DENND1A: variants seen among roughly 807,000 people sequenced by gnomAD.
The protein encoded by DENND1A is DENN domain-containing protein 1A.
DENND1A carries 51 observed loss-of-function variants against 113.7 expected under a neutral mutation model. The ratio of observed to expected loss-of-function variants is 0.45; its 90% CI spans 0.36 to 0.57. The LOEUF (loss-of-function observed/expected upper bound fraction) is 0.57. Ranked by LOEUF, DENND1A falls within the 20% of genes least tolerant of loss-of-function variation. The probability of loss-of-function intolerance (pLI) is 0.00; values close to 1 mark genes in which losing one functional copy is unlikely to be tolerated. For missense variants in DENND1A, 1,258 were observed against 1,395.9 expected, an observed-to-expected ratio of 0.90 and a Z score of 1.57; for synonymous variants, 565 against 570.8, an observed-to-expected ratio of 0.99 and a Z score of 0.14.
At position 123,694,206 on chromosome 9, in the gene DENND1A, CT is replaced by C. The variant is rs2065365310; in HGVS notation, c.303-17418del. Among the ~76,000 whole-genome samples, 5 of 152,208 alleles carry C rather than the reference CT, an allele frequency of 3.3e-5. 1 individual carries two copies. The South Asian group carries it at 1.0e-3, about 32-fold the overall frequency. The stretch of plus-strand genomic sequence containing the variant: ...AGTGAGTGAAATAAACCAAGTCTGT[CT>C]ATGTATGCTGGGGTTGAGAACCTCC... On this transcript the variant is annotated intron_variant, in intron 5 of 23. Transcript: ENST00000394215.
At chr9:123,427,593 T>TCC (rs1177051208) in intron 19 of DENND1A, among the ~76,000 whole-genome samples, 1 of 152,142 alleles carries the variant, frequency 6.6e-6, no homozygotes, top group African/African-American at 2.4e-5. Context: ...GGTTTTAGGA[T>TCC]CCCCACAGGT....
chr9:123,929,481 C>T (rs944144051), intron 1 of DENND1A, among the ~76,000 whole-genome samples: 4 of 152,222 alleles, frequency 2.6e-5, no homozygotes, highest in African/African-American at 7.2e-5. Context: ...CTCAAGCGGC[C>T]AGGCTGCAAC....
chr9:123,561,532 AAAGT>A (rs2057756076), intron 12 of DENND1A, among the ~76,000 whole-genome samples: 1 of 152,182 alleles, frequency 6.6e-6, no homozygotes. Context: ...CCTTTAAATA[AAAGT>A]AAGGGAAGAC....
chr9:123,812,889 C>A (rs1836857551), intron 2 of DENND1A, among the ~76,000 whole-genome samples: 1 of 151,940 alleles, frequency 6.6e-6, no homozygotes, highest in Non-Finnish European at 1.5e-5. Context: ...TTTTGCCATA[C>A]CAAAGTTTCA....
intron 1 of DENND1A, among the ~76,000 whole-genome samples, chr9:123,905,576 A>C (rs1389455909): frequency 7.1e-6 from 1 of 140,240 alleles, no homozygotes; most frequent in Non-Finnish European, 1.5e-5. Flanking sequence ...GATAAAACAG[A>C]CTTTAAACCA....
At position 123,434,829 on chromosome 9, in the gene DENND1A, T is replaced by TGCTTACAGTGGACCCG. The variant is rs759495330; in HGVS notation, c.1488+5515_1488+5530dup. On this transcript the variant is annotated intron_variant, in intron 19 of 23. Coordinates refer to ENST00000394215, the MANE Select transcript of DENND1A (RefSeq NM_001352964.2). ...CTAGTGCATGCTTACAGTAAGTGCA[T>TGCTTACAGTGGACCCG]GCTTACAGTGGACCCGGCTTACAGT... Among the ~76,000 whole-genome samples the TGCTTACAGTGGACCCG allele has an allele frequency of 7.2e-5, 11 of 152,256 alleles. No homozygotes were observed. In the East Asian group the frequency reaches 1.7e-3, roughly 24 times the overall value.
At chr9:123,638,230 C>T (rs1225457100) in intron 9 of DENND1A, among the ~76,000 whole-genome samples, 1 of 152,108 alleles carries the variant, frequency 6.6e-6, no homozygotes, top group Non-Finnish European at 1.5e-5. Flanking sequence ...AAAGCAGAAG[C>T]AGAAAACCAT....
At chr9:123,674,841 C>CTTTT (rs11327678) in intron 6 of DENND1A, among the ~76,000 whole-genome samples, 1 of 132,344 alleles carries the variant, frequency 7.6e-6, no homozygotes, top group Non-Finnish European at 1.6e-5. Flanking sequence ...GTTTTTTTCT[C>CTTTT]TTTTTTTTTT....
chr9:123,406,831 G>A (rs2043892071), intron 20 of DENND1A, among the ~76,000 whole-genome samples: 1 of 152,104 alleles, frequency 6.6e-6, no homozygotes, highest in African/African-American at 2.4e-5. Context: ...CTGCCCCGCG[G>A]GGCCCCGGGG....
At chr9:123,853,805 G>C (rs769811748) in intron 2 of DENND1A, among the ~76,000 whole-genome samples, 2 of 152,128 alleles carry the variant, frequency 1.3e-5, no homozygotes, top group African/African-American at 4.8e-5. Context: ...TAGCACTCCA[G>C]GGCAATACTT....
intron 13 of DENND1A, among the ~76,000 whole-genome samples, chr9:123,497,443 A>C (rs530393567): frequency 6.6e-6 from 1 of 152,130 alleles, no homozygotes; most frequent in Non-Finnish European, 1.5e-5. Context: ...TCAGCTCCCC[A>C]AGTAGCTGGG....
intron 1 of DENND1A, among the ~76,000 whole-genome samples, chr9:123,917,374 T>C (rs766194772): frequency 1.1e-4 from 16 of 152,134 alleles, no homozygotes; most frequent in Admixed American, 9.2e-4. Context: ...AGTAATCGCA[T>C]TGTTGACGGT....
At chr9:123,602,503 G>T (rs2059978911) in intron 11 of DENND1A, among the ~76,000 whole-genome samples, 1 of 152,118 alleles carries the variant, frequency 6.6e-6, no homozygotes, top group Non-Finnish European at 1.5e-5. Context: ...CTCCTACTTC[G>T]CAGAGAGTGT....
intron 13 of DENND1A, among the ~76,000 whole-genome samples, chr9:123,538,828 A>AC (rs2135532693): frequency 1.0e-5 from 1 of 100,066 alleles, no homozygotes; most frequent in Non-Finnish European, 2.0e-5. Flanking sequence ...ATATATATAT[A>AC]TATATATATA....
chr9:123,518,721 T>C (rs2054142693), intron 13 of DENND1A, among the ~76,000 whole-genome samples: 1 of 152,092 alleles, frequency 6.6e-6, no homozygotes, highest in Admixed American at 6.5e-5. Context: ...TTCCTCTCCA[T>C]TTCCACTGAC....
intron 17 of DENND1A, 118 bp downstream of exon 17, chr9:123,452,158 C>T: frequency 1.1e-6 from 1 of 905,738 alleles, no homozygotes; most frequent in South Asian, 1.6e-5. Context: ...TGCACCACTG[C>T]ACTCCAGCCT....
At chr9:123,888,570 C>T (rs931282711) in intron 1 of DENND1A, among the ~76,000 whole-genome samples, 2 of 152,124 alleles carry the variant, frequency 1.3e-5, no homozygotes, top group Non-Finnish European at 2.9e-5. Flanking sequence ...ATCACTGCTG[C>T]GATATTCCTG....
intron 1 of DENND1A, among the ~76,000 whole-genome samples, chr9:123,926,855 C>T (rs1379786014): frequency 6.6e-6 from 1 of 151,814 alleles, no homozygotes; most frequent in Admixed American, 6.6e-5. Flanking sequence ...AAGTTTATGT[C>T]CAGCATGGTA....
intron 4 of DENND1A, among the ~76,000 whole-genome samples, chr9:123,761,133 T>G (rs2071005087): frequency 6.6e-6 from 1 of 152,172 alleles, no homozygotes; most frequent in South Asian, 2.1e-4. Context: ...TTATTCCTAT[T>G]AAAAATGCTG....
Sources: allele counts gnomAD v4.1 joint callset (sites outside exome capture counted in the v4.1 genomes callset), GRCh38; gene constraint gnomAD v4.1.1; transcripts MANE v1.5; gene names NCBI Gene and HGNC (gene_info 2026-07-23, HGNC 2026-07-21).